The following ATXN1 variants were observed in gnomAD, a reference collection of about 807,000 sequenced individuals.
The protein encoded by ATXN1 is ataxin 1.
A neutral mutation model predicts 56.4 loss-of-function variants in ATXN1; 8 were observed. That is an observed-to-expected ratio of 0.14 (90% CI 0.08 to 0.26). The LOEUF is 0.26. Ranked by LOEUF, ATXN1 falls within the 10% of genes least tolerant of loss-of-function variation. The probability of loss-of-function intolerance (pLI) is 1.00; values close to 1 mark genes in which losing one functional copy is unlikely to be tolerated. For synonymous variants in ATXN1, 514 were observed against 494.6 expected (o/e 1.04, Z -0.52); for missense variants, 987 against 1,106.5 (o/e 0.89, Z 1.53).
chr6:16,333,958 C>T (rs566680656), intron 6 of ATXN1, among the ~76,000 whole-genome samples: 12 of 152,218 alleles, frequency 7.9e-5, no homozygotes, highest in African/African-American at 2.9e-4. Context: ...TAATTAGATG[C>T]CTTTATGGTT....
At chr6:16,655,663 G>A (rs1758183545) in intron 3 of ATXN1, among the ~76,000 whole-genome samples, 1 of 151,100 alleles carries the variant, frequency 6.6e-6, no homozygotes, top group African/African-American at 2.4e-5. Context: ...AGTCCAGCCT[G>A]GGCAACAAAG....
intron 4 of ATXN1, among the ~76,000 whole-genome samples, chr6:16,557,188 G>A (rs917180536): frequency 3.3e-5 from 5 of 152,078 alleles, no homozygotes; most frequent in African/African-American, 7.2e-5. Context: ...TTAGCCAGGT[G>A]TGGTGGCAGA....
At chr6:16,726,383 A>C (rs1759850726) in intron 2 of ATXN1, among the ~76,000 whole-genome samples, 1 of 148,998 alleles carries the variant, frequency 6.7e-6, no homozygotes, top group Non-Finnish European at 1.5e-5. Flanking sequence ...TCTGTCTCAA[A>C]AAAAAAAAAA....
chr6:16,476,922 G>A (rs1422017290), intron 6 of ATXN1, among the ~76,000 whole-genome samples: 1 of 152,206 alleles, frequency 6.6e-6, no homozygotes, highest in Non-Finnish European at 1.5e-5. Flanking sequence ...CCCATCATAA[G>A]CACACAGTTT....
Position 16,656,981 on chromosome 6 carries a change from C to CT in ATXN1, c.-489+794dup, listed in dbSNP as rs869034865. ...TACAACCAAAATACAGTATTATAAT[C>CT]TTTTTTTTTTTTTTTTTTTTGAGAT... is the stretch of plus-strand genomic sequence containing the variant. On this transcript the variant is annotated intron_variant, in intron 3 of 7. Coordinates refer to ENST00000436367, the MANE Select transcript of ATXN1 (RefSeq NM_001128164.2). Among the ~76,000 whole-genome samples the CT allele has an allele frequency of 6.3e-3, 764 of 120,390 alleles. 6 individuals carry two copies. The highest frequency in any genetic ancestry group is 9.2e-3 in the African/African-American group (285 of 31,066). The allele number at this position is 120,390 out of a possible 152,430, so 79.0% of individuals were successfully genotyped here. A position where few individuals can be genotyped will look rare whatever the true frequency, so the allele number is the denominator to read the frequency against.
intron 3 of ATXN1, among the ~76,000 whole-genome samples, chr6:16,645,697 A>T (rs1763788327): frequency 6.6e-6 from 1 of 152,176 alleles, no homozygotes; most frequent in African/African-American, 2.4e-5. Context: ...TACACTCTCT[A>T]CCTTTAAGAT....
Position 16,730,506 on chromosome 6 carries a change from T to TATATAA in ATXN1, c.-615+22726_-615+22727insTTATAT, listed in dbSNP as rs1367623215. 4.1e-4 allele frequency among the ~76,000 whole-genome samples: 61 copies of TATATAA among 147,132 alleles called. 2 individuals carry two copies. Among genetic ancestry groups the TATATAA allele is most frequent in the African/African-American group, 1.0e-3 (42 of 40,512 alleles). On this transcript the variant is annotated intron_variant, in intron 2 of 7. Coordinates refer to ENST00000436367, the MANE Select transcript of ATXN1 (RefSeq NM_001128164.2). The stretch of plus-strand genomic sequence containing the variant: ...CAGTATGTATATATATATATATATA[T>TATATAA]AAATGTATTTATACATATATAATGT...
At chr6:16,561,276 C>T (rs1022506416) in intron 4 of ATXN1, among the ~76,000 whole-genome samples, 1 of 152,008 alleles carries the variant, frequency 6.6e-6, no homozygotes, top group African/African-American at 2.4e-5. Context: ...TTTAATATTT[C>T]CCTAAAACTA....
intron 6 of ATXN1, among the ~76,000 whole-genome samples, chr6:16,429,628 G>A (rs1759236791): frequency 6.6e-6 from 1 of 152,020 alleles, no homozygotes; most frequent in African/African-American, 2.4e-5. Flanking sequence ...ATGTTGGCCA[G>A]GCTGGTCTCA....
At chr6:16,639,409 G>A (rs1249410249) in intron 3 of ATXN1, among the ~76,000 whole-genome samples, 2 of 152,132 alleles carry the variant, frequency 1.3e-5, no homozygotes, top group Non-Finnish European at 2.9e-5. Flanking sequence ...CACCTCCTAG[G>A]TTCAAGCGAT....
intron 3 of ATXN1, among the ~76,000 whole-genome samples, chr6:16,648,799 C>T (rs550417540): frequency 2.6e-5 from 4 of 152,224 alleles, no homozygotes; most frequent in African/African-American, 9.6e-5. Context: ...AATCCAGTGA[C>T]AGTTCACCTT....
chr6:16,604,871 C>G (rs1005811797), intron 3 of ATXN1, among the ~76,000 whole-genome samples: 5 of 152,092 alleles, frequency 3.3e-5, no homozygotes, highest in Non-Finnish European at 5.9e-5. Context: ...CACACTCAAG[C>G]CACTGCACCC....
At chr6:16,554,350 AC>A (rs1268827794) in intron 4 of ATXN1, among the ~76,000 whole-genome samples, 23 of 152,340 alleles carry the variant, frequency 1.5e-4, no homozygotes, top group Admixed American at 1.4e-3. Context: ...AGAAATCATT[AC>A]CCTGGGCCAG....
intron 6 of ATXN1, among the ~76,000 whole-genome samples, chr6:16,379,713 G>C (rs1762212596): frequency 6.6e-6 from 1 of 152,198 alleles, no homozygotes; most frequent in African/African-American, 2.4e-5. Flanking sequence ...GGCACGTGTA[G>C]AGGTCACTCT....
intron 5 of ATXN1, among the ~76,000 whole-genome samples, chr6:16,490,181 C>T (rs1009522189): frequency 8.6e-5 from 13 of 150,872 alleles, no homozygotes; most frequent in Non-Finnish European, 1.8e-4. Context: ...AAACTTCACA[C>T]ACTATATTAC....
At chr6:16,538,101 C>T (rs971107669) in intron 4 of ATXN1, among the ~76,000 whole-genome samples, 3 of 152,168 alleles carry the variant, frequency 2.0e-5, no homozygotes, top group Non-Finnish European at 4.4e-5. Context: ...TTCCTTCCAC[C>T]GGCACAAGAA....
intron 6 of ATXN1, among the ~76,000 whole-genome samples, chr6:16,418,740 A>AG (rs1445005490): frequency 1.0e-5 from 1 of 100,480 alleles, no homozygotes; most frequent in Admixed American, 1.5e-4. Context: ...AACAGTCCCC[A>AG]GAGTGTGATG....
At chr6:16,531,938 T>C (rs927053028) in intron 4 of ATXN1, among the ~76,000 whole-genome samples, 1 of 152,192 alleles carries the variant, frequency 6.6e-6, no homozygotes, top group Non-Finnish European at 1.5e-5. Flanking sequence ...CTTAAACACC[T>C]AGAACAGCCA....
In ATXN1 at chr6:16,367,333, T is replaced by TTCTCTTTCTC. The variant is rs1323098958; in HGVS notation, c.-160-38864_-160-38863insGAGAAAGAGA. ...GCACATCTTGCAGCCAAGATTCTGTTTCTCTCTCTCTCTCTCTCTCTCTCT... is the reference window on the plus strand; with the variant it reads ...GCACATCTTGCAGCCAAGATTCTGTTTCTCTTTCTCTCTCTCTCTCTCTCTCTCTCTCTCT... On this transcript the variant is annotated intron_variant, in intron 6 of 7. Coordinates refer to ENST00000436367, the MANE Select transcript of ATXN1 (RefSeq NM_001128164.2). Among the ~76,000 whole-genome samples, 13 of 79,172 alleles carry TTCTCTTTCTC rather than the reference T, an allele frequency of 1.6e-4. No homozygotes were observed. The East Asian group carries it at 4.7e-3, about 28-fold the overall frequency. The allele number at this position is 79,172 out of a possible 152,430, so 51.9% of individuals were successfully genotyped here. A position where few individuals can be genotyped will look rare whatever the true frequency, so the allele number is the denominator to read the frequency against.
Sources: allele counts gnomAD v4.1 joint callset (sites outside exome capture counted in the v4.1 genomes callset), GRCh38; gene constraint gnomAD v4.1.1; transcripts MANE v1.5; gene names NCBI Gene and HGNC (gene_info 2026-07-23, HGNC 2026-07-21).